Variants in RFC1 observed in about 807,000 individuals in gnomAD.
RFC1 encodes the protein replication factor C subunit 1, also known as A1 140 kDa subunit.
In RFC1, 37 loss-of-function variants were observed where a neutral mutation model predicts 137.4. That is an observed-to-expected ratio of 0.27 (90% CI 0.21 to 0.35). The LOEUF is 0.35. Among genes scored for constraint, RFC1 ranks in the 10% least tolerant of loss-of-function variants. RFC1 has a pLI of 1.00. For synonymous variants in RFC1, 429 were observed against 455.7 expected, an observed-to-expected ratio of 0.94 and a Z score of 0.75; for missense variants, 1,205 against 1,358.5, an observed-to-expected ratio of 0.89 and a Z score of 1.78.
chr4:39,291,778 G>T lies in RFC1; in HGVS notation c.3029C>A (p.Thr1010Asn). The T allele has an allele frequency of 6.2e-7, 1 of 1,613,666 alleles. No individual in the cohort carries two copies. The highest frequency in any genetic ancestry group is 1.3e-5 in the African/African-American group (1 of 75,026). ...CTGTACTCCGTCTACTCCTTGTGAGGTCAAGGGCTGTACAAGTGCATCCCT... is the reference window on the plus strand; with the variant it reads ...CTGTACTCCGTCTACTCCTTGTGAGTTCAAGGGCTGTACAAGTGCATCCCT... ...LLRDALVQPLTSQGVDGVQDV... is the reference protein window; with the variant it reads ...LLRDALVQPLNSQGVDGVQDV... Residue 1010 changes from threonine (T) to asparagine (N), a missense_variant, in exon 23 of 25, where the codon ACC becomes AAC. Thr to Asn is a moderately conservative substitution (Grantham distance 65, BLOSUM62 0). Coordinates refer to ENST00000349703, the MANE Select transcript of RFC1 (RefSeq NM_002913.5).
At chr4:39,312,999 A>G in intron 10 of RFC1, 68 bp from the exon 11 acceptor site, 1 of 1,303,844 alleles carries the variant, frequency 7.7e-7, no homozygotes. Context: ...ATTTGGCATC[A>G]AAACTGCAGG....
intron 1 of RFC1, among the ~76,000 whole-genome samples, chr4:39,356,542 A>C (rs535525120): frequency 1.3e-5 from 2 of 152,350 alleles, no homozygotes; most frequent in African/African-American, 4.8e-5. Context: ...TATTAAAAGA[A>C]TCTTTTAATT....
chr4:39,291,801 C>G lies in RFC1; in HGVS notation c.3006G>C (p.Arg1002Ser). The G allele has an allele frequency of 6.2e-7, 1 of 1,614,152 alleles. No homozygotes were observed. The change falls in exon 23 of 25, where the codon AGG (arginine) becomes AGC (serine). Residue 1002 changes from arginine to serine, a missense_variant. This residue lies in a region of RFC1 where 237 missense variants were observed against 304.2 expected (regional missense o/e 0.78). Transcript: ENST00000349703. ...TVNMDYLSLL[R>S]DALVQPLTSQ... ...AGGTCAAGGGCTGTACAAGTGCATC[C>G]CTTAGAAGCGACAGATAATCCATGT...
At chr4:39,290,255 T>TG in intron 23 of RFC1, among the ~76,000 whole-genome samples, 2 of 151,706 alleles carry the variant, frequency 1.3e-5, no homozygotes, top group Middle Eastern at 3.4e-3. Flanking sequence ...AGACTGAAGG[T>TG]GGGGCACAGT....
chr4:39,290,687 C>A (rs186610176), intron 23 of RFC1, among the ~76,000 whole-genome samples: 6 of 151,686 alleles, frequency 4.0e-5, no homozygotes, highest in Non-Finnish European at 7.4e-5. Context: ...TGATGGAGTG[C>A]ACCTGTAATC....
intron 3 of RFC1, 42 bp downstream of exon 3, chr4:39,345,359 A>G: frequency 6.5e-7 from 1 of 1,537,582 alleles, no homozygotes. Context: ...AGGGATATAC[A>G]ATAACTTTAA....
At chr4:39,322,242 C>CA (rs995606036) in intron 7 of RFC1, 1 of 151,886 alleles carries the variant, frequency 6.6e-6, no homozygotes, top group Non-Finnish European at 1.5e-5. Context: ...CCCATCTCTA[C>CA]AAAAAACACA....
chr4:39,299,508 G>T (rs1738224285), intron 21 of RFC1, among the ~76,000 whole-genome samples: 1 of 150,530 alleles, frequency 6.6e-6, no homozygotes, highest in African/African-American at 2.4e-5. Context: ...AGCTACCCAG[G>T]AATCTGAGGC....
In RFC1 at chr4:39,311,494, C is replaced by T. The variant is rs758796849; in HGVS notation, c.1439G>A (p.Arg480Gln). Residue 480 changes from arginine (R) to glutamine (Q), a missense_variant, in exon 12 of 25, where the codon CGG (arginine) becomes CAG (glutamine). By Grantham distance (43) the Arg-to-Gln change is conservative. Around this residue, in one of 3 missense-constraint regions of RFC1, gnomAD observed 962 missense variants for 1,035.3 expected, o/e 0.93. Transcript: ENST00000349703. ...CTTGGATTTCTTGCCTGGCATAGTCCGAATCAGATTCAACAGGCCATCTTC... is the reference window on the plus strand; with the variant it reads ...CTTGGATTTCTTGCCTGGCATAGTCTGAATCAGATTCAACAGGCCATCTTC... ...IDEDGLLNLIRTMPGKKSKYE... is the reference protein window; with the variant it reads ...IDEDGLLNLIQTMPGKKSKYE... 4.3e-6 allele frequency: 7 copies of T among 1,613,892 alleles called. No individual in the cohort carries two copies. Among genetic ancestry groups the T allele is most frequent in the East Asian group, 4.5e-5 (2 of 44,880 alleles).
Position 39,306,694 on chromosome 4 carries a change from A to G in RFC1, c.1893T>C (p.Phe631=). The G allele has an allele frequency of 1.2e-6, 2 of 1,609,210 alleles. No homozygotes were observed. The highest frequency in any genetic ancestry group is 1.7e-6 in the Non-Finnish European group (2 of 1,175,566). The part of the protein sequence containing the change: ...SSSEDKKHAK[F]GKFSGKDDGS... ...CATCATCTTTGCCGGAAAATTTACC[A>G]AACTTTGCTGCTAGGAAAAAAGAAG... Residue 631 remains phenylalanine (F), a synonymous_variant, in exon 14 of 25, where the codon TTT becomes TTC. Coordinates refer to ENST00000349703, the MANE Select transcript of RFC1 (RefSeq NM_002913.5).
Position 39,300,859 on chromosome 4 carries a change from T to C in RFC1, c.2536-445A>G, listed in dbSNP as rs374254107. On this transcript the variant is annotated intron_variant, in intron 19 of 24. Coordinates refer to ENST00000349703, the MANE Select transcript of RFC1 (RefSeq NM_002913.5). ...CTGTAATCCGAGCACTTTGGGAGGCTGAGGTGGGCGGATCACTTGAGGTCA... is the reference window on the plus strand; with the variant it reads ...CTGTAATCCGAGCACTTTGGGAGGCCGAGGTGGGCGGATCACTTGAGGTCA... 2.0e-4 allele frequency among the ~76,000 whole-genome samples: 30 copies of C among 152,086 alleles called. No homozygotes were observed. In the East Asian group the frequency reaches 4.3e-3, roughly 22 times the overall value.
intron 2 of RFC1, among the ~76,000 whole-genome samples, chr4:39,345,796 G>A (rs1222523244): frequency 6.6e-6 from 1 of 152,120 alleles, no homozygotes; most frequent in African/African-American, 2.4e-5. Context: ...GAAGGCATTT[G>A]TCAATGTCTA....
chr4:39,329,127 C>CAAAA lies in RFC1; in HGVS notation c.332-1375_332-1372dup, dbSNP rs71594924. Among the ~76,000 whole-genome samples the CAAAA allele has an allele frequency of 3.8e-3, 120 of 31,658 alleles. 22 individuals carry two copies. Among genetic ancestry groups the CAAAA allele is most frequent in the East Asian group, 0.021 (8 of 390 alleles). The allele number at this position is 31,658 out of a possible 152,430, so 20.8% of individuals were successfully genotyped here. A position where few individuals can be genotyped will look rare whatever the true frequency, so the allele number is the denominator to read the frequency against. ...TAAATTTGTTTGCTTCAGTGACTCA[C>CAAAA]AAAAAAAAAAAAAAAAAAAAAAAAA... On this transcript the variant is annotated intron_variant, in intron 4 of 24. Coordinates refer to ENST00000349703, the MANE Select transcript of RFC1 (RefSeq NM_002913.5).
intron 10 of RFC1, among the ~76,000 whole-genome samples, chr4:39,316,018 G>A (rs749224191): frequency 2.0e-5 from 3 of 152,232 alleles, no homozygotes; most frequent in Non-Finnish European, 2.9e-5. Flanking sequence ...ATCACCTGAG[G>A]TCGAGAGTTC....
In RFC1 at chr4:39,342,431, G is replaced by C. The variant is rs1740650688; in HGVS notation, c.245C>G (p.Ala82Gly). 6.2e-6 allele frequency: 10 copies of C among 1,612,942 alleles called. No individual in the cohort carries two copies. The highest frequency in any genetic ancestry group is 1.7e-4 in the Middle Eastern group (1 of 6,050). The change falls in exon 4 of 25, where the codon GCC (alanine) becomes GGC (glycine). Residue 82 changes from alanine to glycine, a missense_variant. Ala to Gly is a moderately conservative substitution (Grantham distance 60, BLOSUM62 0). Transcript: ENST00000349703. ...TGGCAGTTTTTCTGGTGGCTTTTTG[G>C]CATTTTTTACCTGCAACGTCTCCTC... is the stretch of plus-strand genomic sequence containing the variant. ...ESEETLQVKN[A>G]KKPPEKLPVS...
intron 6 of RFC1, 42 bp from the exon 7 acceptor site, chr4:39,323,459 C>A (rs1320373303): frequency 6.5e-7 from 1 of 1,526,790 alleles, no homozygotes; most frequent in Non-Finnish European, 9.1e-7. Flanking sequence ...TGCTCTTTTT[C>A]TTTTCGTAAA....
chr4:39,291,066 AAT>A (rs1737650206), intron 23 of RFC1, among the ~76,000 whole-genome samples: 1 of 152,180 alleles, frequency 6.6e-6, no homozygotes. Context: ...AACTACAGAG[AAT>A]ATGTCTTCTA....
At position 39,288,795 on chromosome 4, in the gene RFC1, G is replaced by A. The variant is rs1259455289; in HGVS notation, c.3410C>T (p.Pro1137Leu). 6.2e-7 allele frequency: 1 copy of A among 1,611,904 alleles called. No individual in the cohort carries two copies. Among genetic ancestry groups the A allele is most frequent in the East Asian group, 2.2e-5 (1 of 44,848 alleles). ...CGAACTTTTTCCTTTTCCTTTTCTG[G>A]GCTCCTTATCTTTTTCTGGTTTTGA... The part of the protein sequence containing the change: ...KPSKPEKDKE[P>L]RKGKGKSSKK Residue 1137 changes from proline (P) to leucine (L), a missense_variant, in exon 25 of 25, where the codon CCC becomes CTC. This residue lies in a region of RFC1 where 237 missense variants were observed against 304.2 expected (regional missense o/e 0.78). Coordinates refer to ENST00000349703, the MANE Select transcript of RFC1 (RefSeq NM_002913.5).
chr4:39,353,136 C>G (rs1406265385), intron 1 of RFC1, among the ~76,000 whole-genome samples: 1 of 152,018 alleles, frequency 6.6e-6, no homozygotes, highest in Non-Finnish European at 1.5e-5. Context: ...TAAGGTAGCT[C>G]ATGCCTATAA....
Sources: allele counts gnomAD v4.1 joint callset (sites outside exome capture counted in the v4.1 genomes callset), GRCh38; gene constraint gnomAD v4.1.1; regional missense constraint gnomAD v4.1.1; transcripts MANE v1.5; gene names NCBI Gene and HGNC (gene_info 2026-07-23, HGNC 2026-07-21).